SOX5: variants seen among roughly 807,000 people sequenced by gnomAD.
SOX5 encodes transcription factor SOX-5.
SOX5 carries 9 observed loss-of-function variants against 92.0 expected under a neutral mutation model. The observed-to-expected ratio is 0.10, with a 90% CI of 0.06 to 0.17. The LOEUF (loss-of-function observed/expected upper bound fraction) is 0.17, where lower values mean the gene tolerates loss of function less well. SOX5 is among the 10% of genes least tolerant of loss of function. The pLI, the probability that SOX5 is intolerant of heterozygous loss-of-function variation, is 1.00. For missense variants in SOX5, 642 were observed against 944.5 expected, an observed-to-expected ratio of 0.68 and a Z score of 4.20; for synonymous variants, 344 against 336.3, an observed-to-expected ratio of 1.02 and a Z score of -0.25.
intron 4 of SOX5, among the ~76,000 whole-genome samples, chr12:24,059,695 A>T (rs527411692): frequency 6.6e-6 from 1 of 152,106 alleles, no homozygotes; most frequent in Admixed American, 6.5e-5. Context: ...GAGAGTCTAC[A>T]AGTCTCCAGG....
At chr12:23,923,004 G>T (rs1938827644) in intron 1 of SOX5, among the ~76,000 whole-genome samples, 1 of 151,152 alleles carries the variant, frequency 6.6e-6, no homozygotes, top group Non-Finnish European at 1.5e-5. Flanking sequence ...GGAGTGCAGT[G>T]GCGCCATCTC....
At chr12:23,827,787 T>G (rs1313536426) in intron 3 of SOX5, among the ~76,000 whole-genome samples, 1 of 152,090 alleles carries the variant, frequency 6.6e-6, no homozygotes, top group Non-Finnish European at 1.5e-5. Context: ...AGAAAAGCAA[T>G]AGCTTTTTTT....
intron 4 of SOX5, among the ~76,000 whole-genome samples, chr12:24,129,444 C>T (rs1949433033): frequency 6.6e-6 from 1 of 152,134 alleles, no homozygotes; most frequent in African/African-American, 2.4e-5. Context: ...TGTTCCTCTC[C>T]CATACTTTTG....
intron 2 of SOX5, among the ~76,000 whole-genome samples, chr12:24,296,684 C>T (rs1350131815): frequency 2.0e-5 from 3 of 152,098 alleles, no homozygotes; most frequent in Non-Finnish European, 4.4e-5. Flanking sequence ...TGTCAAATGT[C>T]AGGGCAGTGA....
At chr12:24,127,759 C>T (rs909252345) in intron 4 of SOX5, among the ~76,000 whole-genome samples, 3 of 152,158 alleles carry the variant, frequency 2.0e-5, no homozygotes, top group African/African-American at 7.2e-5. Context: ...ACCCCAATAC[C>T]ACCTCACCCC....
intron 6 of SOX5, among the ~76,000 whole-genome samples, chr12:23,688,314 T>C (rs1342839233): frequency 6.6e-6 from 1 of 152,116 alleles, no homozygotes; most frequent in Admixed American, 6.6e-5. Flanking sequence ...CTACACTGTA[T>C]TATTAAATAA....
intron 1 of SOX5, among the ~76,000 whole-genome samples, chr12:24,377,215 C>T (rs1957372406): frequency 6.6e-6 from 1 of 152,122 alleles, no homozygotes; most frequent in African/African-American, 2.4e-5. Flanking sequence ...TTGCTCCTTT[C>T]CAACATACAC....
rs1942462396 is a variant in SOX5 at position 24,075,552 on chromosome 12, TA to T, written c.-2+137790del. ...GACAGATATATAAGGGGTAGAGCCA[TA>T]ATCCAAAGCTGCCCAAAAGTTTTTC... On this transcript the variant is annotated intron_variant, in intron 4 of 4. Coordinates refer to the SOX5 transcript ENST00000446891. Among the ~76,000 whole-genome samples the T allele has an allele frequency of 2.0e-5, 3 of 152,266 alleles. 1 individual carries two copies. The highest frequency in any genetic ancestry group is 2.0e-4 in the Admixed American group (3 of 15,294).
At chr12:23,557,108 A>G (rs74070556) in intron 11 of SOX5, among the ~76,000 whole-genome samples, 3,594 of 152,274 alleles carry the variant, frequency 0.024, 126 homozygotes, top group African/African-American at 0.082. Context: ...AGGGTTGGAC[A>G]ATGGCAGGAA....
At chr12:23,561,226 C>CA (rs1946140492) in intron 11 of SOX5, among the ~76,000 whole-genome samples, 1 of 152,118 alleles carries the variant, frequency 6.6e-6, no homozygotes, top group African/African-American at 2.4e-5. Flanking sequence ...CAGTAGCTAT[C>CA]AACGGAGGCA....
intron 2 of SOX5, among the ~76,000 whole-genome samples, chr12:24,341,729 G>A (rs534961555): frequency 6.6e-5 from 10 of 152,180 alleles, no homozygotes; most frequent in Admixed American, 3.3e-4. Context: ...AATGGGATGA[G>A]AGAGAAGGCT....
chr12:23,770,310 A>T (rs1210983040), intron 3 of SOX5, among the ~76,000 whole-genome samples: 2 of 151,904 alleles, frequency 1.3e-5, no homozygotes, highest in Non-Finnish European at 2.9e-5. Flanking sequence ...GCAGAGGACT[A>T]CTACTCAATT....
In SOX5 at chr12:23,970,841, A is replaced by ATATATTTTTTTTTTT; in HGVS notation, c.-1-74818_-1-74817insAAAAAAAAAAATATA. ...ACATGGGACTTTATATATATATATA[A>ATATATTTTTTTTTTT]TTTTTTTTTTTTTTTAAGAAATGGG... On this transcript the variant is annotated intron_variant, in intron 4 of 4. Transcript: ENST00000446891. Among the ~76,000 whole-genome samples the ATATATTTTTTTTTTT allele has an allele frequency of 1.8e-4, 4 of 21,876 alleles. 1 individual carries two copies. The highest frequency in any genetic ancestry group is 2.5e-4 in the African/African-American group (2 of 8,024). 14.4% of individuals were successfully genotyped at this position (21,876 alleles called of 152,430 possible). A position where few individuals can be genotyped will look rare whatever the true frequency, so the allele number is the denominator to read the frequency against.
At chr12:24,241,554 T>C (rs1443280433) in intron 3 of SOX5, among the ~76,000 whole-genome samples, 2 of 152,170 alleles carry the variant, frequency 1.3e-5, no homozygotes, top group East Asian at 1.9e-4. Flanking sequence ...CCTCTGTTTT[T>C]ACTATTGCTG....
At position 23,798,444 on chromosome 12, in the gene SOX5, T is replaced by A. The variant is rs540167326; in HGVS notation, c.482-42720A>T. On this transcript the variant is annotated intron_variant, in intron 3 of 14. Coordinates refer to ENST00000451604, the MANE Select transcript of SOX5 (RefSeq NM_006940.6). ...ACATGGCAAGTCTTAAGTTTGGGTA[T>A]CCTTCATTCTTTGGTTAATCTCACT... is the stretch of plus-strand genomic sequence containing the variant. 7.9e-5 allele frequency among the ~76,000 whole-genome samples: 12 copies of A among 152,176 alleles called. No homozygotes were observed. In the South Asian group the frequency reaches 2.5e-3, roughly 32 times the overall value.
At chr12:24,501,166 A>G (rs1948157777) in intron 1 of SOX5, among the ~76,000 whole-genome samples, 1 of 152,172 alleles carries the variant, frequency 6.6e-6, no homozygotes, top group Admixed American at 6.5e-5. Flanking sequence ...CCAGACAAAC[A>G]CTAAACACAG....
intron 6 of SOX5, among the ~76,000 whole-genome samples, chr12:23,707,940 AT>A (rs1185922495): frequency 6.6e-6 from 1 of 152,086 alleles, no homozygotes; most frequent in Non-Finnish European, 1.5e-5. Context: ...AGGATTTTTA[AT>A]TCTTTTCAAC....
At chr12:24,488,677 A>C (rs142545227) in intron 1 of SOX5, among the ~76,000 whole-genome samples, 1 of 152,304 alleles carries the variant, frequency 6.6e-6, no homozygotes, top group Non-Finnish European at 1.5e-5. Flanking sequence ...TCAATATCTA[A>C]TCTTTTATTT....
At chr12:24,352,103 A>G (rs1036059290) in intron 2 of SOX5, among the ~76,000 whole-genome samples, 2 of 152,218 alleles carry the variant, frequency 1.3e-5, no homozygotes, top group African/African-American at 4.8e-5. Context: ...GTCCAATAGT[A>G]TCAGATTTAT....
Sources: gnomAD v4.1 joint callset for allele counts (sites outside exome capture counted in the v4.1 genomes callset) on GRCh38, gnomAD v4.1.1 for gene constraint, MANE v1.5 for transcripts, NCBI Gene and HGNC (gene_info 2026-07-23, HGNC 2026-07-21) for gene names.